The following CPQ variants were observed in gnomAD, a reference collection of about 807,000 sequenced individuals.
CPQ encodes the protein carboxypeptidase Q, also known as Ser-Met dipeptidase.
CPQ carries 37 observed loss-of-function variants against 45.7 expected under a neutral mutation model. That is an observed-to-expected ratio of 0.81 (90% CI 0.62 to 1.07). The LOEUF is 1.07. Ranked by LOEUF, CPQ falls within the 50% of genes least tolerant of loss-of-function variation. CPQ has a pLI of 0.00. For missense variants in CPQ, 537 were observed against 572.9 expected (o/e 0.94, Z 0.64); for synonymous variants, 186 against 205.8 (o/e 0.90, Z 0.82).
chr8:96,927,084 G>A (rs1252222524), intron 4 of CPQ, among the ~76,000 whole-genome samples: 2 of 152,190 alleles, frequency 1.3e-5, no homozygotes, highest in Non-Finnish European at 2.9e-5. Flanking sequence ...TCTGTTTAAC[G>A]TTGTGAAATC....
chr8:96,647,040 A>G (rs1226653440), intron 1 of CPQ, among the ~76,000 whole-genome samples: 4 of 152,194 alleles, frequency 2.6e-5, no homozygotes. Context: ...TATTCCCAGT[A>G]TATCTGGGGA....
chr8:96,712,472 GGT>G (rs1276382535), intron 1 of CPQ, among the ~76,000 whole-genome samples: 1 of 152,186 alleles, frequency 6.6e-6, no homozygotes, highest in Admixed American at 6.5e-5. Context: ...TGGATATCCA[GGT>G]GTTTCCATAC....
chr8:96,813,373 T>G (rs1328948248), intron 2 of CPQ, among the ~76,000 whole-genome samples: 1 of 152,150 alleles, frequency 6.6e-6, no homozygotes, highest in East Asian at 1.9e-4. Flanking sequence ...CTGTCTACAC[T>G]GACAGTCTTT....
intron 5 of CPQ, among the ~76,000 whole-genome samples, chr8:97,029,124 G>T (rs1014150974): frequency 6.6e-6 from 1 of 152,100 alleles, no homozygotes; most frequent in Non-Finnish European, 1.5e-5. Flanking sequence ...GTTCTGCTGG[G>T]CAGGATATCA....
At chr8:97,000,855 T>C (rs1184710190) in intron 5 of CPQ, among the ~76,000 whole-genome samples, 4 of 152,188 alleles carry the variant, frequency 2.6e-5, no homozygotes, top group Admixed American at 2.6e-4. Context: ...AAGATATTAA[T>C]TATTTGTATC....
intron 4 of CPQ, among the ~76,000 whole-genome samples, chr8:96,927,662 C>G (rs1204609350): frequency 1.3e-5 from 2 of 152,104 alleles, no homozygotes; most frequent in Non-Finnish European, 2.9e-5. Flanking sequence ...TGCTGAAAAC[C>G]CTATGCTGTC....
intron 3 of CPQ, among the ~76,000 whole-genome samples, chr8:96,849,204 G>A (rs957769709): frequency 1.3e-5 from 2 of 152,128 alleles, no homozygotes; most frequent in African/African-American, 4.8e-5. Flanking sequence ...AAAATTAGAG[G>A]TTGTGTTCGC....
At chr8:96,736,323 T>C (rs1809982011) in intron 1 of CPQ, among the ~76,000 whole-genome samples, 1 of 152,198 alleles carries the variant, frequency 6.6e-6, no homozygotes, top group South Asian at 2.1e-4. Context: ...AGCTGCTGTT[T>C]GAATGTTATA....
chr8:96,814,116 T>C (rs1284747603), intron 2 of CPQ, among the ~76,000 whole-genome samples: 1 of 152,104 alleles, frequency 6.6e-6, no homozygotes, highest in East Asian at 1.9e-4. Flanking sequence ...GGCATTATTC[T>C]GTCCACTTAC....
At chr8:97,075,908 C>T (rs1431336158) in intron 7 of CPQ, among the ~76,000 whole-genome samples, 2 of 152,136 alleles carry the variant, frequency 1.3e-5, no homozygotes, top group African/African-American at 4.8e-5. Flanking sequence ...CTCTCCTACA[C>T]CCAGTTTATT....
At chr8:97,137,248 CCT>C (rs1281349057) in intron 7 of CPQ, among the ~76,000 whole-genome samples, 1 of 152,138 alleles carries the variant, frequency 6.6e-6, no homozygotes, top group Non-Finnish European at 1.5e-5. Context: ...ATATTTCTTG[CCT>C]CTCTTTTTTA....
rs201719687 is a variant in CPQ at position 96,784,889 on chromosome 8, GA to G, written c.1del. 1.5e-4 allele frequency: 238 copies of G among 1,568,622 alleles called. No homozygotes were observed. The highest frequency in any genetic ancestry group is 1.7e-4 in the Admixed American group (9 of 52,518). On this transcript the variant is annotated 5_prime_UTR_variant, in exon 2 of 8. Transcript: ENST00000220763. ...ATTATCTTAACAAGAAAACCAACTG[GA>G]AAAAAAAATGAAATTCCTTATCTTC...
intron 6 of CPQ, among the ~76,000 whole-genome samples, chr8:97,050,296 A>G (rs575690580): frequency 6.6e-6 from 1 of 152,334 alleles, no homozygotes; most frequent in African/African-American, 2.4e-5. Flanking sequence ...ACCAGTGTAA[A>G]TAAGTGAAGT....
chr8:97,040,447 G>C (rs1454903601), intron 6 of CPQ, among the ~76,000 whole-genome samples: 1 of 151,846 alleles, frequency 6.6e-6, no homozygotes, highest in Admixed American at 6.6e-5. Flanking sequence ...TGTTCACTCT[G>C]ATGGTAGTTT....
At chr8:96,957,903 G>A (rs966083729) in intron 4 of CPQ, among the ~76,000 whole-genome samples, 2 of 150,516 alleles carry the variant, frequency 1.3e-5, no homozygotes, top group Admixed American at 1.3e-4. Flanking sequence ...GTGTGTTCAT[G>A]GCTCACTGTA....
intron 1 of CPQ, among the ~76,000 whole-genome samples, chr8:96,719,409 G>A (rs1022744950): frequency 2.0e-5 from 3 of 152,192 alleles, no homozygotes; most frequent in Admixed American, 6.5e-5. Context: ...ACGCCCACCC[G>A]GAACTCCAGC....
At chr8:96,989,952 G>A (rs1809059848) in intron 5 of CPQ, among the ~76,000 whole-genome samples, 1 of 152,004 alleles carries the variant, frequency 6.6e-6, no homozygotes, top group South Asian at 2.1e-4. Flanking sequence ...TCTGACTTGT[G>A]GCCCAGGGCT....
intron 6 of CPQ, among the ~76,000 whole-genome samples, chr8:97,049,871 C>G (rs1262402691): frequency 4.6e-5 from 7 of 152,316 alleles, no homozygotes; most frequent in Non-Finnish European, 1.5e-5. Flanking sequence ...CTTTGTGTCA[C>G]CCATGCTCCT....
intron 1 of CPQ, among the ~76,000 whole-genome samples, chr8:96,687,402 G>A (rs1809246642): frequency 6.6e-6 from 1 of 151,838 alleles, no homozygotes; most frequent in Non-Finnish European, 1.5e-5. Flanking sequence ...TAGTAGAGAT[G>A]GGGTTTCACC....
Sources: gnomAD v4.1 joint callset for allele counts (sites outside exome capture counted in the v4.1 genomes callset) on GRCh38, gnomAD v4.1.1 for gene constraint, MANE v1.5 for transcripts, NCBI Gene and HGNC (gene_info 2026-07-23, HGNC 2026-07-21) for gene names.